Variants in C10orf71 observed in about 807,000 individuals in gnomAD.
C10orf71 encodes cardiac-enriched FHL2-interacting protein.
For synonymous variants in C10orf71, 758 were observed against 726.3 expected (o/e 1.04, Z -0.70); for missense variants, 1,869 against 1,804.5 (o/e 1.04, Z -0.65).
chr10:49,326,338 AC>A lies in C10orf71; in HGVS notation c.3794del (p.Thr1265AsnfsTer30). ...GCGGCCCGGGGGCCCCCAGTCCCTC[AC>A]ACCCCTGCCCGCGTACCCCGCCACC... The part of the protein sequence containing the change: ...GRRPGGPQSL[T>X]PLPAYPATQK... On this transcript the variant is annotated frameshift_variant, in exon 3 of 3. Coordinates refer to ENST00000374144, the MANE Select transcript of C10orf71 (RefSeq NM_001135196.2). LOFTEE classifies it low-confidence loss of function (END_TRUNC). 2 of 1,549,868 alleles carry A rather than the reference AC, an allele frequency of 1.3e-6. No individual in the cohort carries two copies.
intron 2 of C10orf71, among the ~76,000 whole-genome samples, chr10:49,321,739 C>T (rs994493615): frequency 6.6e-6 from 1 of 152,194 alleles, no homozygotes; most frequent in Non-Finnish European, 1.5e-5. Flanking sequence ...TTGATAATAG[C>T]CATCCTAACA....
chr10:49,304,688 G>A (rs186926210), intron 1 of C10orf71, among the ~76,000 whole-genome samples: 31 of 152,322 alleles, frequency 2.0e-4, no homozygotes, highest in African/African-American at 7.0e-4. Flanking sequence ...GGCACCCTCC[G>A]GGGCTGCTTT....
rs1307647566 is a variant in C10orf71 at position 49,322,633 on chromosome 10, A to G, written c.88A>G (p.Ser30Gly). The G allele has an allele frequency of 6.2e-7, 1 of 1,613,350 alleles. No individual in the cohort carries two copies. Among genetic ancestry groups the G allele is most frequent in the Non-Finnish European group, 8.5e-7 (1 of 1,179,620 alleles). Residue 30 changes from serine (S) to glycine (G), a missense_variant, in exon 3 of 3, where the codon AGC (serine) becomes GGC (glycine). Coordinates refer to ENST00000374144, the MANE Select transcript of C10orf71 (RefSeq NM_001135196.2). ...SVLDDADREV[S>G]SLTDRAFRSL... Reference sequence around the variant, plus strand: ...GTTGGATGATGCAGACAGGGAGGTGAGCAGCCTAACAGACCGGGCATTCCG... The same window carrying G: ...GTTGGATGATGCAGACAGGGAGGTGGGCAGCCTAACAGACCGGGCATTCCG...
intron 2 of C10orf71, among the ~76,000 whole-genome samples, chr10:49,320,165 A>G (rs1276214739): frequency 6.6e-6 from 1 of 152,262 alleles, no homozygotes; most frequent in African/African-American, 2.4e-5. Flanking sequence ...GGAAAGGGCT[A>G]TAACAGAGGT....
chr10:49,315,312 G>A (rs1376195145), intron 1 of C10orf71, among the ~76,000 whole-genome samples: 1 of 152,218 alleles, frequency 6.6e-6, no homozygotes, highest in African/African-American at 2.4e-5. Flanking sequence ...CATTTAAAAT[G>A]TGCAGAGTGG....
Position 49,323,231 on chromosome 10 carries a change from G to A in C10orf71, c.686G>A (p.Cys229Tyr). 6.2e-7 allele frequency: 1 copy of A among 1,613,918 alleles called. No homozygotes were observed. The highest frequency in any genetic ancestry group is 8.5e-7 in the Non-Finnish European group (1 of 1,179,870). The stretch of plus-strand genomic sequence containing the variant: ...TCCTCCAAGAATCCAGAAATGGCCT[G>A]TCACGGCTCCAGCAGCTTCCTCCCA... ...QESSKNPEMA[C>Y]HGSSSFLPAA... Residue 229 changes from cysteine (C) to tyrosine (Y), a missense_variant, in exon 3 of 3, where the codon TGT becomes TAT. Cys to Tyr is a radical substitution (Grantham distance 194). Coordinates refer to ENST00000374144, the MANE Select transcript of C10orf71 (RefSeq NM_001135196.2).
chr10:49,322,363 G>A (rs1590337575), intron 2 of C10orf71, 39 bp from the exon 3 acceptor site: 2 of 609,436 alleles, frequency 3.3e-6, no homozygotes, highest in East Asian at 6.0e-5. Flanking sequence ...GTGTAGAGCT[G>A]TATACTTTGT....
chr10:49,297,466 A>C (rs1187008180), upstream of C10orf71, among the ~76,000 whole-genome samples: 1 of 152,258 alleles, frequency 6.6e-6, no homozygotes. Context: ...AAAGCAAGTC[A>C]ATTTAAATTT....
rs770842902 is a variant in C10orf71 at position 49,324,060 on chromosome 10, C to T, written c.1515C>T (p.Asp505=). The change falls in exon 3 of 3, where the codon GAC becomes GAT. Residue 505 remains aspartate (D), a synonymous_variant. Coordinates refer to ENST00000374144, the MANE Select transcript of C10orf71 (RefSeq NM_001135196.2). Reference sequence around the variant, plus strand: ...CTAGCCTGCTGTTCAACCTCAAGGACGTGCGGAAGCGTGTTAAGAGCACAT... The same window carrying T: ...CTAGCCTGCTGTTCAACCTCAAGGATGTGCGGAAGCGTGTTAAGAGCACAT... The part of the protein sequence containing the change: ...KAPSLLFNLK[D]VRKRVKSTYS... The T allele has an allele frequency of 8.7e-6, 14 of 1,613,862 alleles. No homozygotes were observed. Among genetic ancestry groups the T allele is most frequent in the Middle Eastern group, 1.6e-4 (1 of 6,062 alleles).
chr10:49,323,859 T>TC lies in C10orf71; in HGVS notation c.1320dup (p.Phe441LeufsTer2), dbSNP rs1158047200. 3.7e-6 allele frequency: 6 copies of TC among 1,612,486 alleles called. No individual in the cohort carries two copies. The highest frequency in any genetic ancestry group is 1.3e-5 in the African/African-American group (1 of 74,348). On this transcript the variant is annotated frameshift_variant, in exon 3 of 3. Coordinates refer to ENST00000374144, the MANE Select transcript of C10orf71 (RefSeq NM_001135196.2). LOFTEE classifies it low-confidence loss of function (END_TRUNC). ...CTGTGGAACCCAATGAACATTATGA[T>TC]CCCCCCTTTAACATCAGTAAGCTCC...
rs746121240 is a variant in C10orf71 at position 49,325,113 on chromosome 10, G to A, written c.2568G>A (p.Thr856=). ...CTTCAAACAGGCACATGCTGTTTAC[G>A]ATTAAAGACAACACCCTCAGAGCTA... ...SSASNRHMLF[T]IKDNTLRATP... Residue 856 remains threonine, a synonymous_variant, in exon 3 of 3, where the codon ACG becomes ACA. Transcript: ENST00000374144. 50 of 1,551,904 alleles carry A rather than the reference G, an allele frequency of 3.2e-5. No individual in the cohort carries two copies. In the South Asian group the frequency reaches 3.7e-4, roughly 11 times the overall value.
intron 1 of C10orf71, among the ~76,000 whole-genome samples, chr10:49,314,900 A>G (rs898925298): frequency 2.0e-5 from 3 of 152,190 alleles, no homozygotes; most frequent in African/African-American, 7.2e-5. Flanking sequence ...GAGCATTACC[A>G]CAAACAGTGA....
intron 1 of C10orf71, among the ~76,000 whole-genome samples, chr10:49,304,934 G>T (rs1290831057): frequency 1.3e-5 from 2 of 152,232 alleles, no homozygotes; most frequent in East Asian, 3.9e-4. Flanking sequence ...CAAGCTGCTG[G>T]GTCTGCCTTT....
upstream of C10orf71, among the ~76,000 whole-genome samples, chr10:49,297,799 T>C (rs1848661765): frequency 6.6e-6 from 1 of 152,226 alleles, no homozygotes; most frequent in African/African-American, 2.4e-5. Flanking sequence ...GTCTGACCTT[T>C]TGGCATGCGT....
rs180852140 is a variant in C10orf71 at position 49,320,424 on chromosome 10, G to A, written c.-144-1978G>A. On this transcript the variant is annotated intron_variant, in intron 2 of 2. Coordinates refer to ENST00000374144, the MANE Select transcript of C10orf71 (RefSeq NM_001135196.2). The stretch of plus-strand genomic sequence containing the variant: ...GGGGCCCAGGTGATGCAGACTCTGG[G>A]GAGCATATCCTCTTAGGGTGGTTCT... 9.8e-3 allele frequency among the ~76,000 whole-genome samples: 1,495 copies of A among 152,346 alleles called. 72 individuals carry two copies. Among genetic ancestry groups the A allele is most frequent in the Admixed American group, 0.088 (1,353 of 15,306 alleles).
chr10:49,318,992 GC>G (rs1849045356), intron 2 of C10orf71, among the ~76,000 whole-genome samples: 1 of 152,202 alleles, frequency 6.6e-6, no homozygotes, highest in South Asian at 2.1e-4. Flanking sequence ...ACTAAGGCCA[GC>G]CAAGCAAGGA....
At position 49,323,322 on chromosome 10, in the gene C10orf71, G is replaced by A. The variant is rs369519010; in HGVS notation, c.777G>A (p.Thr259=). The A allele has an allele frequency of 7.7e-5, 125 of 1,613,780 alleles. No homozygotes were observed. Among genetic ancestry groups the A allele is most frequent in the Non-Finnish European group, 9.0e-5 (106 of 1,179,812 alleles). Residue 259 remains threonine (T), a synonymous_variant, in exon 3 of 3, where the codon ACG becomes ACA. Coordinates refer to ENST00000374144, the MANE Select transcript of C10orf71 (RefSeq NM_001135196.2). ...CCTCTCCACACCACAAGCCAGTCAC[G>A]GGTGAGCCTGGGAGAGGCAAAGGTA... The part of the protein sequence containing the change: ...KFPSPHHKPV[T]GEPGRGKGTF...
chr10:49,306,154 G>A (rs1042264699), intron 1 of C10orf71, among the ~76,000 whole-genome samples: 39 of 152,236 alleles, frequency 2.6e-4, no homozygotes, highest in African/African-American at 9.4e-4. Flanking sequence ...AGGGCCTTCT[G>A]AACCTCCTTC....
chr10:49,307,614 T>C (rs937256256), intron 1 of C10orf71, among the ~76,000 whole-genome samples: 4 of 152,128 alleles, frequency 2.6e-5, no homozygotes, highest in African/African-American at 9.6e-5. Context: ...CAGAGCCCCC[T>C]GCACCCTGCA....
Sources: gnomAD v4.1 joint callset for allele counts (sites outside exome capture counted in the v4.1 genomes callset) on GRCh38, gnomAD v4.1.1 for gene constraint, MANE v1.5 for transcripts, NCBI Gene and HGNC (gene_info 2026-07-23, HGNC 2026-07-21) for gene names.